Variants in DAB2 observed in about 807,000 individuals in gnomAD.
DAB2 encodes the protein disabled homolog 2.
A neutral mutation model predicts 71.6 loss-of-function variants in DAB2; 28 were observed. That is an observed-to-expected ratio of 0.39 (90% CI 0.29 to 0.54). The LOEUF (loss-of-function observed/expected upper bound fraction) is 0.54, where lower values mean the gene tolerates loss of function less well. Ranked by LOEUF, DAB2 falls within the 20% of genes least tolerant of loss-of-function variation. The pLI is 0.68. For synonymous variants in DAB2, 345 were observed against 339.7 expected (o/e 1.02, Z -0.17); for missense variants, 867 against 928.8 (o/e 0.93, Z 0.86).
At chr5:39,402,504 C>T (rs528313746) in intron 1 of DAB2, among the ~76,000 whole-genome samples, 2 of 152,264 alleles carry the variant, frequency 1.3e-5, no homozygotes, top group South Asian at 4.1e-4. Flanking sequence ...AAAACCTCCA[C>T]CTCCTGGGTT....
At chr5:39,374,346 C>T (rs530834736) in intron 14 of DAB2, among the ~76,000 whole-genome samples, 2 of 141,614 alleles carry the variant, frequency 1.4e-5, no homozygotes, top group Non-Finnish European at 3.2e-5. Context: ...CTGTCACCTT[C>T]TGTAGAGAAA....
chr5:39,394,084 T>C, intron 2 of DAB2, 146 bp downstream of exon 2: 1 of 656,038 alleles, frequency 1.5e-6, no homozygotes, highest in Non-Finnish European at 2.6e-6. Flanking sequence ...TCTCCCAAGG[T>C]ACAACTTTCC....
intron 1 of DAB2, among the ~76,000 whole-genome samples, chr5:39,414,368 T>A (rs183911655): frequency 3.0e-4 from 45 of 152,246 alleles, no homozygotes; most frequent in South Asian, 2.3e-3. Flanking sequence ...AAGCCAAAGG[T>A]CTTACCTATT....
chr5:39,379,548 C>A (rs1156841319), intron 11 of DAB2, among the ~76,000 whole-genome samples: 1 of 151,772 alleles, frequency 6.6e-6, no homozygotes, highest in African/African-American at 2.4e-5. Context: ...CCCACCAAAT[C>A]CCCACATTGT....
intron 11 of DAB2, among the ~76,000 whole-genome samples, chr5:39,378,320 T>C (rs1257165461): frequency 1.3e-5 from 2 of 152,220 alleles, no homozygotes; most frequent in Non-Finnish European, 2.9e-5. Flanking sequence ...TCAGTTAAAC[T>C]CACCGCTAAG....
chr5:39,384,142 TTA>T, intron 9 of DAB2, among the ~76,000 whole-genome samples: 1 of 152,226 alleles, frequency 6.6e-6, no homozygotes, highest in Non-Finnish European at 1.5e-5. Flanking sequence ...TCTCATCTAT[TTA>T]GTGGTTAAAG....
intron 1 of DAB2, chr5:39,418,242 T>C (rs1755894103): frequency 6.6e-6 from 1 of 152,194 alleles, no homozygotes; most frequent in Non-Finnish European, 1.5e-5. Flanking sequence ...GTTGCCCTAG[T>C]AGATTCACAT....
chr5:39,407,430 G>T (rs1303978542), intron 1 of DAB2, among the ~76,000 whole-genome samples: 1 of 152,210 alleles, frequency 6.6e-6, no homozygotes, highest in Non-Finnish European at 1.5e-5. Context: ...ATTTTGGCCA[G>T]GCTGGTCTCA....
chr5:39,373,061 A>G lies in DAB2; in HGVS notation c.*370T>C, dbSNP rs1754738130. 6.6e-6 allele frequency: 1 copy of G among 152,134 alleles called. No homozygotes were observed. Among genetic ancestry groups the G allele is most frequent in the Admixed American group, 6.6e-5 (1 of 15,262 alleles). The allele number at this position is 152,134 out of a possible 1,614,324, so 9.4% of individuals were successfully genotyped here. On this transcript the variant is annotated 3_prime_UTR_variant, in exon 15 of 15. Transcript: ENST00000320816. ...AATAAGGATTTGAAAATTTATTCAA[A>G]ACAGTATGATATGAAGGGATGTGGT...
chr5:39,385,670 A>G (rs1330239701), intron 9 of DAB2, among the ~76,000 whole-genome samples: 1 of 152,174 alleles, frequency 6.6e-6, no homozygotes, highest in Non-Finnish European at 1.5e-5. Flanking sequence ...AGGGAGCTCC[A>G]GTAATCGGAC....
intron 1 of DAB2, among the ~76,000 whole-genome samples, chr5:39,424,109 T>C (rs929865186): frequency 1.3e-5 from 2 of 152,158 alleles, no homozygotes; most frequent in Non-Finnish European, 2.9e-5. Context: ...AACCGCTATG[T>C]TGACTGAGGC....
intron 1 of DAB2, among the ~76,000 whole-genome samples, chr5:39,397,066 C>T (rs2112070919): frequency 6.6e-6 from 1 of 152,328 alleles, no homozygotes; most frequent in African/African-American, 2.4e-5. Flanking sequence ...GGGACTCGGA[C>T]ATGTCTGCTT....
Position 39,422,587 on chromosome 5 carries a change from T to A in DAB2, c.-102+2217A>T, listed in dbSNP as rs1016524835. ...TTAGAAATGAAGCAGCATAAGAGCC[T>A]ATGTCACAGCAAAGCCTCCTGCTTG... On this transcript the variant is annotated intron_variant, in intron 1 of 14. Transcript: ENST00000320816. This position sits in a 1 kb window ranked among gnomAD's most constrained non-coding sequence, Gnocchi z 4.1. Among the ~76,000 whole-genome samples, 18 of 152,178 alleles carry A rather than the reference T, an allele frequency of 1.2e-4. No individual in the cohort carries two copies. Among genetic ancestry groups the A allele is most frequent in the Admixed American group, 5.9e-4 (9 of 15,280 alleles).
chr5:39,388,932 G>A, intron 7 of DAB2, 80 bp from the exon 8 acceptor site: 1 of 1,356,458 alleles, frequency 7.4e-7, no homozygotes. Context: ...AGTCTGCTAA[G>A]CAGCAATGGT....
chr5:39,417,456 C>T (rs1755873827), intron 1 of DAB2: 1 of 152,234 alleles, frequency 6.6e-6, no homozygotes, highest in South Asian at 2.1e-4. Context: ...TAAGTTCATC[C>T]AACTGCATGA....
intron 5 of DAB2, 116 bp downstream of exon 5, chr5:39,390,328 T>A: frequency 1.6e-6 from 2 of 1,280,952 alleles, no homozygotes; most frequent in Non-Finnish European, 2.2e-6. Context: ...TTCTCGGAAT[T>A]ATTATTTAGC....
chr5:39,381,373 G>A, intron 11 of DAB2, 81 bp downstream of exon 11: 1 of 1,421,260 alleles, frequency 7.0e-7, no homozygotes, highest in Middle Eastern at 1.8e-4. Flanking sequence ...CCCTCTGGGA[G>A]TATGAAATCT....
intron 1 of DAB2, among the ~76,000 whole-genome samples, chr5:39,396,812 T>G (rs1755378510): frequency 6.6e-6 from 1 of 152,220 alleles, no homozygotes; most frequent in Non-Finnish European, 1.5e-5. Flanking sequence ...CAGTTGCACC[T>G]TTTTAGATGG....
intron 1 of DAB2, among the ~76,000 whole-genome samples, chr5:39,409,636 C>G (rs1356878128): frequency 6.6e-6 from 1 of 152,142 alleles, no homozygotes; most frequent in African/African-American, 2.4e-5. Flanking sequence ...GACTGGTCTA[C>G]CCTTTCACAA....
Sources: allele counts gnomAD v4.1 joint callset (sites outside exome capture counted in the v4.1 genomes callset), GRCh38; gene constraint gnomAD v4.1.1; non-coding constraint Gnocchi (gnomAD v3.1); transcripts MANE v1.5; gene names NCBI Gene and HGNC (gene_info 2026-07-23, HGNC 2026-07-21).